Variants in ENPP3 observed in about 807,000 individuals in gnomAD.
ENPP3 encodes ectonucleotide pyrophosphatase/phosphodiesterase family member 3.
Under a neutral mutation model 117.8 loss-of-function variants are expected in ENPP3, and 104 were observed. That is an observed-to-expected ratio of 0.88 (90% CI 0.75 to 1.04). The LOEUF is 1.04. Ranked by LOEUF, ENPP3 falls within the 50% of genes least tolerant of loss-of-function variation. The pLI is 0.00. For missense variants in ENPP3, 1,026 were observed against 1,051.9 expected, an observed-to-expected ratio of 0.98 and a Z score of 0.34; for synonymous variants, 380 against 349.9, an observed-to-expected ratio of 1.09 and a Z score of -0.96.
intron 19 of ENPP3, 91 bp downstream of exon 19, chr6:131,724,182 A>G: frequency 1.2e-6 from 1 of 815,714 alleles, no homozygotes; most frequent in Admixed American, 2.4e-5. Flanking sequence ...ATAAGCTGAC[A>G]GAGGTTCCTG....
chr6:131,737,438 T>C lies in ENPP3; in HGVS notation c.2167+6T>C, dbSNP rs189707320. ...TATGTATGAAGAATTCAGAAGTAAG[T>C]ATGAATTTAGAGTATTAATTTTAAA... On this transcript the variant is annotated splice_donor_region_variant and intron_variant, in intron 22 of 24. Transcript: ENST00000357639. 1.3e-6 allele frequency: 2 copies of C among 1,486,038 alleles called. No homozygotes were observed. Among genetic ancestry groups the C allele is most frequent in the Non-Finnish European group, 1.9e-6 (2 of 1,067,480 alleles). 92.1% of individuals were successfully genotyped at this position (1,486,038 alleles called of 1,614,324 possible).
At chr6:131,684,173 A>G (rs1389175466) in intron 12 of ENPP3, among the ~76,000 whole-genome samples, 1 of 152,178 alleles carries the variant, frequency 6.6e-6, no homozygotes, top group East Asian at 1.9e-4. Context: ...TCAAGCCCCA[A>G]TATCTGTGAA....
intron 24 of ENPP3, among the ~76,000 whole-genome samples, chr6:131,745,716 G>A (rs1780622382): frequency 6.6e-6 from 1 of 152,144 alleles, no homozygotes; most frequent in African/African-American, 2.4e-5. Flanking sequence ...TACACCCACG[G>A]TTTGGCAAAG....
At chr6:131,654,828 T>C (rs1466971442) in intron 5 of ENPP3, among the ~76,000 whole-genome samples, 2 of 152,198 alleles carry the variant, frequency 1.3e-5, no homozygotes, top group Non-Finnish European at 2.9e-5. Flanking sequence ...CTGCTTTGGT[T>C]TGTAGCTCAG....
chr6:131,690,905 G>A (rs992455539), intron 14 of ENPP3, among the ~76,000 whole-genome samples: 1 of 151,876 alleles, frequency 6.6e-6, no homozygotes, highest in African/African-American at 2.4e-5. Context: ...TTCAACATGT[G>A]GACTCTCTAA....
intron 23 of ENPP3, among the ~76,000 whole-genome samples, chr6:131,738,424 A>G (rs1780448414): frequency 6.6e-6 from 1 of 152,170 alleles, no homozygotes; most frequent in Admixed American, 6.5e-5. Context: ...GGCAAAGATA[A>G]CATGAAATTT....
Position 131,722,471 on chromosome 6 carries a change from G to A in ENPP3, c.1746+66G>A, listed in dbSNP as rs9493079. On this transcript the variant is annotated intron_variant, in intron 18 of 24. Transcript: ENST00000357639. ...CAAGCTATTCTTAACCTGGGTAGCT[G>A]ACAACTGGGGTAGCAACAACCAGGT... 0.014 allele frequency: 17,648 copies of A among 1,303,552 alleles called. 1,644 individuals carry two copies. In the African/African-American group the frequency reaches 0.21, roughly 16 times the overall value. The allele number at this position is 1,303,552 out of a possible 1,614,324, so 80.7% of individuals were successfully genotyped here.
At chr6:131,736,896 C>G (rs1034307573) in intron 21 of ENPP3, among the ~76,000 whole-genome samples, 4 of 152,142 alleles carry the variant, frequency 2.6e-5, no homozygotes, top group Non-Finnish European at 5.9e-5. Flanking sequence ...CCTTGTCTCT[C>G]CCAGCTTCTG....
intron 11 of ENPP3, among the ~76,000 whole-genome samples, chr6:131,678,913 C>T (rs898937128): frequency 4.3e-4 from 22 of 51,128 alleles, no homozygotes; most frequent in African/African-American, 3.7e-3. Context: ...TTCTCTCTTT[C>T]TTTCTTTCTT....
In ENPP3 at chr6:131,674,279, C is replaced by A; in HGVS notation, c.760C>A (p.Pro254Thr). 6.2e-7 allele frequency: 1 copy of A among 1,613,700 alleles called. No individual in the cohort carries two copies. Among genetic ancestry groups the A allele is most frequent in the African/African-American group, 1.3e-5 (1 of 74,990 alleles). The change falls in exon 8 of 25, where the codon CCA (proline) becomes ACA (threonine). Residue 254 changes from proline (P) to threonine (T), a missense_variant and splice_region_variant. Physicochemically the swap from Pro to Thr is conservative, Grantham distance 38. Transcript: ENST00000357639. ...QNNPAWWHGQPMWLTAMYQGL... is the reference protein window; with the variant it reads ...QNNPAWWHGQTMWLTAMYQGL... The stretch of plus-strand genomic sequence containing the variant: ...TAATCCAGCCTGGTGGCATGGGCAA[C>A]CAGTATGTAGCATTCTACACGTCGC...
intron 6 of ENPP3, 54 bp downstream of exon 6, chr6:131,658,474 A>G (rs1255830785): frequency 1.3e-5 from 12 of 938,310 alleles, no homozygotes; most frequent in South Asian, 5.4e-5. Context: ...TAGTTAGTCA[A>G]TCTCTAGAGG....
In ENPP3 at chr6:131,738,056, T is replaced by C. The variant is rs772649129; in HGVS notation, c.2193T>C (p.Val731=). ...FRKMWDYFHS[V]LLIKHATERN... ...AAATGTGGGACTACTTCCACAGTGT[T>C]CTTCTTATAAAACATGCCACAGAAA... Residue 731 remains valine (V), a synonymous_variant, in exon 23 of 25, where the codon GTT becomes GTC. Transcript: ENST00000357639. 40 of 1,606,090 alleles carry C rather than the reference T, an allele frequency of 2.5e-5. No homozygotes were observed. The highest frequency in any genetic ancestry group is 1.3e-4 in the South Asian group (12 of 90,054).
chr6:131,675,080 A>C lies in ENPP3; in HGVS notation c.763A>C (p.Met255Leu). Reference protein sequence around the residue: ...NNPAWWHGQPMWLTAMYQGLK... With the variant: ...NNPAWWHGQPLWLTAMYQGLK... ...TCGCTTATCCTAAATTTTCTTACAG[A>C]TGTGGCTGACAGCAATGTATCAAGG... Residue 255 changes from methionine (M) to leucine (L), a missense_variant and splice_region_variant, in exon 9 of 25, where the codon ATG becomes CTG. Transcript: ENST00000357639. 6.2e-7 allele frequency: 1 copy of C among 1,606,246 alleles called. No individual in the cohort carries two copies. The highest frequency in any genetic ancestry group is 8.5e-7 in the Non-Finnish European group (1 of 1,172,990).
chr6:131,641,693 C>A (rs1354400822), intron 2 of ENPP3, among the ~76,000 whole-genome samples, 163 bp downstream of exon 2: 2 of 151,678 alleles, frequency 1.3e-5, no homozygotes, highest in African/African-American at 4.8e-5. Context: ...GAGTCCACAT[C>A]TGAGGTTGGC....
intron 20 of ENPP3, among the ~76,000 whole-genome samples, chr6:131,728,901 T>C (rs532093843): frequency 1.3e-5 from 2 of 152,196 alleles, no homozygotes; most frequent in African/African-American, 2.4e-5. Context: ...AAGGAAGATA[T>C]GCACTAGTGT....
At chr6:131,649,261 T>G (rs1391999159) in intron 2 of ENPP3, among the ~76,000 whole-genome samples, 1 of 152,108 alleles carries the variant, frequency 6.6e-6, no homozygotes, top group African/African-American at 2.4e-5. Flanking sequence ...AAAACACAGA[T>G]CTAGTTCATT....
In ENPP3 at chr6:131,740,457, G is replaced by T. The variant is rs371572009; in HGVS notation, c.2457+77G>T. The T allele has an allele frequency of 7.6e-5, 88 of 1,160,868 alleles. No individual in the cohort carries two copies. In the African/African-American group the frequency reaches 1.1e-3, roughly 15 times the overall value. The allele number at this position is 1,160,868 out of a possible 1,614,324, so 71.9% of individuals were successfully genotyped here. On this transcript the variant is annotated intron_variant, in intron 24 of 24. Transcript: ENST00000357639. ...TTTGGGTTCTCATAAAAGTGGCTCT[G>T]ACTAAAACATTTTTTTTAGGTGTTT...
chr6:131,671,024 G>GA (rs1200107682), intron 6 of ENPP3, among the ~76,000 whole-genome samples: 4 of 152,046 alleles, frequency 2.6e-5, no homozygotes, highest in East Asian at 3.9e-4. Flanking sequence ...GGCTCTTCCA[G>GA]AAAAAAATCT....
chr6:131,721,287 T>C (rs1780027759), intron 17 of ENPP3, among the ~76,000 whole-genome samples: 2 of 152,232 alleles, frequency 1.3e-5, no homozygotes. Context: ...TACAACTCTC[T>C]CTCTTAATGT....
Sources: allele counts gnomAD v4.1 joint callset (sites outside exome capture counted in the v4.1 genomes callset), GRCh38; gene constraint gnomAD v4.1.1; transcripts MANE v1.5; gene names NCBI Gene and HGNC (gene_info 2026-07-23, HGNC 2026-07-21).